TMEM131: variants seen among roughly 807,000 people sequenced by gnomAD.
TMEM131 encodes transmembrane protein 131.
TMEM131 carries 66 observed loss-of-function variants against 211.6 expected under a neutral mutation model. That is an observed-to-expected ratio of 0.31 (90% CI 0.26 to 0.38). The LOEUF is 0.38. TMEM131 is among the 10% of genes least tolerant of loss of function. The pLI, the probability that TMEM131 is intolerant of heterozygous loss-of-function variation, is 1.00. For synonymous variants in TMEM131, 844 were observed against 841.3 expected (o/e 1.00, Z -0.06); for missense variants, 2,036 against 2,299.3 (o/e 0.89, Z 2.34).
intron 31 of TMEM131, among the ~76,000 whole-genome samples, chr2:97,788,714 G>A (rs890177817): frequency 2.6e-5 from 4 of 152,224 alleles, no homozygotes; most frequent in South Asian, 4.1e-4. Flanking sequence ...TCTGCCCAGC[G>A]CTGCCTTACT....
intron 1 of TMEM131, among the ~76,000 whole-genome samples, chr2:97,992,841 A>G (rs1016031332): frequency 4.6e-5 from 7 of 152,216 alleles, no homozygotes; most frequent in Admixed American, 4.6e-4. Flanking sequence ...CCAATCTAGA[A>G]CTAGTTATTT....
chr2:97,932,949 T>A (rs1443311250), intron 1 of TMEM131, among the ~76,000 whole-genome samples: 1 of 151,852 alleles, frequency 6.6e-6, no homozygotes, highest in East Asian at 2.0e-4. Context: ...ATTATAATAC[T>A]GTATTTACTG....
chr2:97,989,547 A>C (rs1187359975), intron 1 of TMEM131, among the ~76,000 whole-genome samples: 7 of 152,234 alleles, frequency 4.6e-5, no homozygotes, highest in Non-Finnish European at 1.5e-5. Context: ...TCTGCTACAC[A>C]ACAACGTGAA....
chr2:97,990,796 T>G (rs1018068513), intron 1 of TMEM131, among the ~76,000 whole-genome samples: 2 of 152,200 alleles, frequency 1.3e-5, no homozygotes, highest in African/African-American at 4.8e-5. Flanking sequence ...TCCTATGCAC[T>G]TTTTTCATAT....
At chr2:97,971,406 A>G (rs910437891) in intron 1 of TMEM131, among the ~76,000 whole-genome samples, 1 of 152,224 alleles carries the variant, frequency 6.6e-6, no homozygotes, top group Non-Finnish European at 1.5e-5. Flanking sequence ...TTAAAAGAAA[A>G]AAAATACTGA....
chr2:97,943,099 A>AAGAG (rs1374526649), intron 1 of TMEM131, among the ~76,000 whole-genome samples: 2 of 148,638 alleles, frequency 1.3e-5, no homozygotes, highest in East Asian at 2.0e-4. Context: ...GAAAGAAAGA[A>AAGAG]AGAGCTGGGT....
intron 1 of TMEM131, among the ~76,000 whole-genome samples, chr2:97,932,960 T>C (rs1677293734): frequency 6.6e-6 from 1 of 152,114 alleles, no homozygotes; most frequent in Non-Finnish European, 1.5e-5. Context: ...GTATTTACTG[T>C]ACCCTTTTCT....
At chr2:97,787,098 G>A (rs892636366) in intron 31 of TMEM131, among the ~76,000 whole-genome samples, 3 of 152,112 alleles carry the variant, frequency 2.0e-5, no homozygotes, top group African/African-American at 4.8e-5. Context: ...TTTATTCATT[G>A]TTTTATATGT....
At chr2:97,773,077 T>C (rs915339533) in intron 32 of TMEM131, among the ~76,000 whole-genome samples, 4 of 152,122 alleles carry the variant, frequency 2.6e-5, no homozygotes, top group African/African-American at 9.7e-5. Context: ...AAAAGTTCAG[T>C]AGAGACTGCA....
chr2:97,814,530 T>G, intron 13 of TMEM131, 142 bp from the exon 14 acceptor site: 1 of 868,192 alleles, frequency 1.2e-6, no homozygotes, highest in Non-Finnish European at 1.6e-6. Flanking sequence ...AATATTTTAG[T>G]GATTGACTAT....
chr2:97,817,851 G>A (rs550658579), intron 12 of TMEM131, among the ~76,000 whole-genome samples: 2 of 152,274 alleles, frequency 1.3e-5, no homozygotes, highest in East Asian at 1.9e-4. Flanking sequence ...AGCACAGATG[G>A]CTTTATCATA....
chr2:97,898,858 T>C (rs781568830), intron 3 of TMEM131, among the ~76,000 whole-genome samples: 3 of 152,168 alleles, frequency 2.0e-5, no homozygotes, highest in Non-Finnish European at 4.4e-5. Flanking sequence ...ATTTTCATTG[T>C]TACTGATTTC....
At chr2:97,914,755 T>C (rs368952739) in intron 2 of TMEM131, among the ~76,000 whole-genome samples, 12 of 152,376 alleles carry the variant, frequency 7.9e-5, no homozygotes, top group African/African-American at 2.9e-4. Context: ...TATGAACGTA[T>C]CACTGTTTAA....
At chr2:97,982,613 G>A (rs1037135896) in intron 1 of TMEM131, among the ~76,000 whole-genome samples, 4 of 152,168 alleles carry the variant, frequency 2.6e-5, no homozygotes, top group African/African-American at 9.7e-5. Flanking sequence ...GTGGTAGGCT[G>A]AATAATGACT....
intron 3 of TMEM131, among the ~76,000 whole-genome samples, chr2:97,891,973 C>T (rs1413110251): frequency 6.6e-6 from 1 of 152,130 alleles, no homozygotes; most frequent in African/African-American, 2.4e-5. Context: ...GTGCCTTAAC[C>T]AGTAAAACTA....
intron 31 of TMEM131, among the ~76,000 whole-genome samples, chr2:97,782,239 C>A (rs1200922988): frequency 6.6e-6 from 1 of 152,226 alleles, no homozygotes; most frequent in Non-Finnish European, 1.5e-5. Context: ...CCCAGCCCTA[C>A]CCAGCAGTAA....
intron 31 of TMEM131, among the ~76,000 whole-genome samples, chr2:97,790,878 G>A (rs957074086): frequency 6.6e-6 from 1 of 152,160 alleles, no homozygotes; most frequent in Non-Finnish European, 1.5e-5. Flanking sequence ...ATCCGAATGC[G>A]TGTAATTCCA....
chr2:97,760,378 C>G (rs1678761696), intron 38 of TMEM131: 1 of 579,280 alleles, frequency 1.7e-6, no homozygotes, highest in East Asian at 2.9e-5. Context: ...TGGGTGCCCC[C>G]TTTCTCTATC....
At chr2:97,882,146 G>A (rs190114796) in intron 4 of TMEM131, among the ~76,000 whole-genome samples, 3 of 152,278 alleles carry the variant, frequency 2.0e-5, no homozygotes, top group African/African-American at 7.2e-5. Flanking sequence ...AGAGTCAGAA[G>A]TTCAAAATTT....
Sources: allele counts gnomAD v4.1 joint callset (sites outside exome capture counted in the v4.1 genomes callset), GRCh38; gene constraint gnomAD v4.1.1; transcripts MANE v1.5; gene names NCBI Gene and HGNC (gene_info 2026-07-23, HGNC 2026-07-21).